RNF168: variants seen among roughly 807,000 people sequenced by gnomAD.
The protein encoded by RNF168 is ring finger protein 168, also known as E3 ubiquitin-protein ligase RNF168.
A neutral mutation model predicts 34.9 loss-of-function variants in RNF168; 34 were observed. The ratio of observed to expected loss-of-function variants is 0.97; its 90% CI spans 0.74 to 1.30. The LOEUF is 1.30. RNF168 is among the 50% of genes most tolerant of loss of function. RNF168 has a pLI of 0.00. For synonymous variants in RNF168, 264 were observed against 254.7 expected (o/e 1.04, Z -0.35); for missense variants, 725 against 682.5 (o/e 1.06, Z -0.69).
At chr3:196,474,844 T>TC in intron 5 of RNF168, 1 of 265,354 alleles carries the variant, frequency 3.8e-6, no homozygotes, top group Non-Finnish European at 7.4e-6. Context: ...AATCTATGGC[T>TC]CATGGACCAA....
At chr3:196,496,013 T>A (rs1429880910) in intron 1 of RNF168, among the ~76,000 whole-genome samples, 2 of 152,158 alleles carry the variant, frequency 1.3e-5, no homozygotes, top group African/African-American at 4.8e-5. Flanking sequence ...TAAAAATACA[T>A]AAAGTAAATG....
Position 196,503,289 on chromosome 3 carries a change from G to T in RNF168, c.-116C>A. 1.1e-6 allele frequency: 1 copy of T among 903,212 alleles called. No individual in the cohort carries two copies. The highest frequency in any genetic ancestry group is 1.8e-6 in the Non-Finnish European group (1 of 561,544). The allele number at this position is 903,212 out of a possible 1,614,324, so 55.9% of individuals were successfully genotyped here. ...TTGTGTTTCAGTATTATGCCCAGAAGCGTATCAGAATTCGGAGAACAGGAG... is the reference window on the plus strand; with the variant it reads ...TTGTGTTTCAGTATTATGCCCAGAATCGTATCAGAATTCGGAGAACAGGAG... On this transcript the variant is annotated 5_prime_UTR_variant, in exon 1 of 6. Coordinates refer to ENST00000318037, the MANE Select transcript of RNF168 (RefSeq NM_152617.4).
intron 1 of RNF168, among the ~76,000 whole-genome samples, chr3:196,492,224 C>T (rs946922420): frequency 3.9e-5 from 6 of 152,182 alleles, no homozygotes; most frequent in Non-Finnish European, 5.9e-5. Context: ...AGAGGCTGGG[C>T]ACAGTGGCTC....
intron 4 of RNF168, among the ~76,000 whole-genome samples, chr3:196,475,582 GCT>G (rs1732127538): frequency 7.8e-6 from 1 of 128,166 alleles, no homozygotes. Flanking sequence ...ATAGAGTCTC[GCT>G]CTGTCACCCA....
At chr3:196,492,464 TAA>T (rs1185294285) in intron 1 of RNF168, among the ~76,000 whole-genome samples, 37 of 151,658 alleles carry the variant, frequency 2.4e-4, no homozygotes, top group Non-Finnish European at 2.9e-5. Flanking sequence ...CAGCTACTGA[TAA>T]AGAGATAGTT....
chr3:196,477,854 T>C (rs1281564254), intron 4 of RNF168, among the ~76,000 whole-genome samples: 1 of 152,018 alleles, frequency 6.6e-6, no homozygotes, highest in Non-Finnish European at 1.5e-5. Flanking sequence ...GAGGCTGAGG[T>C]GGGAGGATCG....
Position 196,472,634 on chromosome 3 carries a change from A to T in RNF168, c.901T>A (p.Leu301Ile). The T allele has an allele frequency of 1.2e-6, 2 of 1,613,266 alleles. No individual in the cohort carries two copies. Among genetic ancestry groups the T allele is most frequent in the Non-Finnish European group, 1.7e-6 (2 of 1,179,262 alleles). ...TACCATTCGGCACCACAGGCACATA[A>T]CCATGGCATAGGGGACTCTATTGAA... is the stretch of plus-strand genomic sequence containing the variant. ...DSSIESPMPW[L>I]CACGAEWYHE... The change falls in exon 6 of 6, where the codon TTA becomes ATA. Residue 301 changes from leucine (L) to isoleucine (I), a missense_variant. By Grantham distance (5) the Leu-to-Ile change is conservative. Coordinates refer to ENST00000318037, the MANE Select transcript of RNF168 (RefSeq NM_152617.4).
chr3:196,497,774 A>T (rs560168937), intron 1 of RNF168, among the ~76,000 whole-genome samples: 2 of 152,352 alleles, frequency 1.3e-5, no homozygotes, highest in East Asian at 3.9e-4. Context: ...AAACTATAAA[A>T]GGAAAAATTT....
rs753970355 is a variant in RNF168, at chr3:196,471,959, G to C, written c.1576C>G (p.Gln526Glu). ...DKNRQVSLKMQLKQSVNRRKM... is the reference protein window; with the variant it reads ...DKNRQVSLKMELKQSVNRRKM... ...CTTCTATTAACTGACTGCTTCAACT[G>C]CATCTTTAAAGACACTTGCCTATTT... Residue 526 changes from glutamine (Q) to glutamate (E), a missense_variant, in exon 6 of 6, where the codon CAG (glutamine) becomes GAG (glutamate). Gln to Glu is a conservative substitution (Grantham distance 29). Transcript: ENST00000318037. The C allele has an allele frequency of 3.7e-6, 6 of 1,614,010 alleles. No individual in the cohort carries two copies. The highest frequency in any genetic ancestry group is 3.4e-6 in the Non-Finnish European group (4 of 1,179,862).
At chr3:196,479,832 T>G (rs1194742483) in intron 4 of RNF168, among the ~76,000 whole-genome samples, 1 of 152,178 alleles carries the variant, frequency 6.6e-6, no homozygotes, top group Admixed American at 6.6e-5. Flanking sequence ...CCTCAAGTGA[T>G]CTGCCTGCCT....
intron 4 of RNF168, among the ~76,000 whole-genome samples, chr3:196,481,395 C>A (rs1732282668): frequency 6.6e-6 from 1 of 151,744 alleles, no homozygotes. Context: ...CATGATCGCA[C>A]CACTGCGCTC....
At chr3:196,473,846 AAT>A (rs1732073772) in intron 5 of RNF168, among the ~76,000 whole-genome samples, 1 of 152,134 alleles carries the variant, frequency 6.6e-6, no homozygotes, top group African/African-American at 2.4e-5. Flanking sequence ...GCAAAAAAAA[AAT>A]ACCTAGTGTT....
chr3:196,472,606 T>C lies in RNF168; in HGVS notation c.929A>G (p.His310Arg), dbSNP rs1409679099. 1.2e-6 allele frequency: 2 copies of C among 1,614,134 alleles called. No individual in the cohort carries two copies. Among genetic ancestry groups the C allele is most frequent in the Admixed American group, 1.7e-5 (1 of 60,016 alleles). Residue 310 changes from histidine (H) to arginine (R), a missense_variant, in exon 6 of 6, where the codon CAT (histidine) becomes CGT (arginine). His to Arg is a conservative substitution (Grantham distance 29). Transcript: ENST00000318037. ...WLCACGAEWY[H>R]EGNVKTRPSN... Reference sequence around the variant, plus strand: ...TGGTCTTGTTTTGACGTTTCCTTCATGGTACCATTCGGCACCACAGGCACA... The same window carrying C: ...TGGTCTTGTTTTGACGTTTCCTTCACGGTACCATTCGGCACCACAGGCACA...
intron 4 of RNF168, 91 bp from the exon 5 acceptor site, chr3:196,475,403 G>C (rs1732120483): frequency 1.1e-5 from 9 of 784,150 alleles, no homozygotes; most frequent in Non-Finnish European, 1.3e-5. Flanking sequence ...AAGGTTGTCT[G>C]GTTTGCTGCT....
intron 1 of RNF168, among the ~76,000 whole-genome samples, chr3:196,500,173 A>T (rs1328573037): frequency 6.6e-6 from 1 of 152,234 alleles, no homozygotes; most frequent in African/African-American, 2.4e-5. Context: ...AAAAGAATAG[A>T]AAACAGGCCC....
intron 1 of RNF168, among the ~76,000 whole-genome samples, chr3:196,498,158 TTTC>T (rs780219443): frequency 2.0e-5 from 3 of 152,018 alleles, no homozygotes; most frequent in African/African-American, 4.8e-5. Flanking sequence ...GATCTGGTAG[TTTC>T]TTCTTTCTTT....
intron 4 of RNF168, among the ~76,000 whole-genome samples, chr3:196,480,186 C>T (rs756002656): frequency 1.3e-4 from 19 of 151,932 alleles, no homozygotes; most frequent in Non-Finnish European, 2.4e-4. Context: ...CTTATGGTGC[C>T]GAAGACTGGT....
intron 1 of RNF168, among the ~76,000 whole-genome samples, chr3:196,490,872 T>G (rs1180325657): frequency 6.6e-6 from 1 of 152,222 alleles, no homozygotes; most frequent in African/African-American, 2.4e-5. Context: ...AGGAGAGACA[T>G]ATATAAGGCT....
chr3:196,500,844 T>G (rs975983784), intron 1 of RNF168, among the ~76,000 whole-genome samples: 3 of 151,774 alleles, frequency 2.0e-5, no homozygotes, highest in Admixed American at 1.3e-4. Flanking sequence ...CCCGAGTAGC[T>G]GGGACTACAG....
Sources: allele counts gnomAD v4.1 joint callset (sites outside exome capture counted in the v4.1 genomes callset), GRCh38; gene constraint gnomAD v4.1.1; transcripts MANE v1.5; gene names NCBI Gene and HGNC (gene_info 2026-07-23, HGNC 2026-07-21).